The following CAMKMT variants were observed in gnomAD, a reference collection of about 807,000 sequenced individuals.
CAMKMT encodes calmodulin-lysine N-methyltransferase, also known as CaM KMT.
A neutral mutation model predicts 48.0 loss-of-function variants in CAMKMT; 53 were observed. The ratio of observed to expected loss-of-function variants is 1.10; its 90% confidence interval spans 0.89 to 1.39. CAMKMT has a LOEUF of 1.39. Ranked by LOEUF, CAMKMT falls within the 40% of genes most tolerant of loss-of-function variation. The probability of loss-of-function intolerance (pLI) is 0.00; values close to 1 mark genes in which losing one functional copy is unlikely to be tolerated. For synonymous variants in CAMKMT, 165 were observed against 152.3 expected (o/e 1.08, Z -0.61); for missense variants, 428 against 402.7 (o/e 1.06, Z -0.54).
chr2:44,362,036 C>T lies in CAMKMT; in HGVS notation c.29C>T (p.Thr10Ile), dbSNP rs750780281. The T allele has an allele frequency of 1.4e-4, 203 of 1,423,112 alleles. No individual in the cohort carries two copies. Among genetic ancestry groups the T allele is most frequent in the African/African-American group, 2.3e-4 (15 of 65,954 alleles). The allele number at this position is 1,423,112 out of a possible 1,614,324, so 88.2% of individuals were successfully genotyped here. A position where few individuals can be genotyped will look rare whatever the true frequency, so the allele number is the denominator to read the frequency against. ...GAGTCGCGAGTCGCGGACGCTGGGA[C>T]CGGCGAGACCGCGCGAGCAGCGGGC... The part of the protein sequence containing the change: MESRVADAG[T>I]GETARAAGGS... Residue 10 changes from threonine to isoleucine, a missense_variant, in exon 1 of 11, where the codon ACC (threonine) becomes ATC (isoleucine). Thr to Ile is a moderately conservative substitution (Grantham distance 89). Coordinates refer to ENST00000378494, the MANE Select transcript of CAMKMT (RefSeq NM_024766.5).
chr2:44,651,487 C>G (rs1348419937), intron 3 of CAMKMT, among the ~76,000 whole-genome samples: 1 of 152,166 alleles, frequency 6.6e-6, no homozygotes, highest in East Asian at 1.9e-4. Context: ...AGTTTAAGAC[C>G]AGCCTGGCCA....
At chr2:44,468,487 T>C (rs1668244231) in intron 3 of CAMKMT, among the ~76,000 whole-genome samples, 1 of 152,232 alleles carries the variant, frequency 6.6e-6, no homozygotes, top group Admixed American at 6.5e-5. Context: ...GATTCACCAG[T>C]ATCACTGCTG....
At chr2:44,678,374 A>C (rs146515823) in intron 3 of CAMKMT, among the ~76,000 whole-genome samples, 1 of 152,302 alleles carries the variant, frequency 6.6e-6, no homozygotes, top group Non-Finnish European at 1.5e-5. Flanking sequence ...CTGTGTATTC[A>C]CTGAGATTGC....
At chr2:44,373,997 G>A (rs1000918921) in intron 2 of CAMKMT, among the ~76,000 whole-genome samples, 1 of 151,646 alleles carries the variant, frequency 6.6e-6, no homozygotes, top group African/African-American at 2.4e-5. Flanking sequence ...GGTGGCATGT[G>A]CCTATGGTCT....
At chr2:44,674,438 G>A (rs1489774679) in intron 3 of CAMKMT, among the ~76,000 whole-genome samples, 4 of 152,144 alleles carry the variant, frequency 2.6e-5, no homozygotes, top group Admixed American at 2.0e-4. Flanking sequence ...CATAGCTGGG[G>A]TTCGAAAAAT....
At chr2:44,680,654 C>T (rs1275737115) in intron 3 of CAMKMT, among the ~76,000 whole-genome samples, 3 of 152,090 alleles carry the variant, frequency 2.0e-5, no homozygotes, top group African/African-American at 7.2e-5. Flanking sequence ...CACTTAATTC[C>T]CTAAGAAGCA....
intron 3 of CAMKMT, among the ~76,000 whole-genome samples, chr2:44,703,675 G>A (rs1192145258): frequency 1.3e-5 from 2 of 151,372 alleles, no homozygotes; most frequent in Non-Finnish European, 2.9e-5. Context: ...CTACTCAGGA[G>A]GCTGAGGCAG....
At chr2:44,638,229 C>T (rs975321686) in intron 3 of CAMKMT, among the ~76,000 whole-genome samples, 1 of 152,204 alleles carries the variant, frequency 6.6e-6, no homozygotes, top group Admixed American at 6.5e-5. Flanking sequence ...AACTATTTCT[C>T]TTGTTTCTTT....
chr2:44,713,085 T>C (rs992541533), intron 6 of CAMKMT, among the ~76,000 whole-genome samples: 2 of 152,156 alleles, frequency 1.3e-5, no homozygotes, highest in Non-Finnish European at 2.9e-5. Context: ...TTTAAAAAAT[T>C]GCTTCTAGAA....
Position 44,402,247 on chromosome 2 carries a change from T to C in CAMKMT, c.376+11942T>C, listed in dbSNP as rs371686668. Among the ~76,000 whole-genome samples the C allele has an allele frequency of 2.7e-3, 400 of 146,682 alleles. 1 individual carries two copies. The highest frequency in any genetic ancestry group is 4.5e-3 in the Non-Finnish European group (301 of 66,876). ...GGGAGGCTGAGGCAGAAGAATTGCT[T>C]GAACCCGGGAGGCAGAGCTTGCAGT... is the stretch of plus-strand genomic sequence containing the variant. On this transcript the variant is annotated intron_variant, in intron 3 of 10. Coordinates refer to ENST00000378494, the MANE Select transcript of CAMKMT (RefSeq NM_024766.5).
At chr2:44,384,249 T>G (rs901581840) in intron 2 of CAMKMT, among the ~76,000 whole-genome samples, 1 of 152,230 alleles carries the variant, frequency 6.6e-6, no homozygotes, top group Non-Finnish European at 1.5e-5. Flanking sequence ...TTTTTTCATA[T>G]ATTTGTTGGC....
At chr2:44,596,819 T>C (rs1459792656) in intron 3 of CAMKMT, among the ~76,000 whole-genome samples, 2 of 152,214 alleles carry the variant, frequency 1.3e-5, no homozygotes, top group Non-Finnish European at 2.9e-5. Context: ...ATAAAAATTC[T>C]AAGGTTTACT....
chr2:44,618,869 A>T lies in CAMKMT; in HGVS notation c.377-85414A>T, dbSNP rs183692168. Among the ~76,000 whole-genome samples the T allele has an allele frequency of 6.6e-6, 1 of 152,200 alleles. No homozygotes were observed. The highest frequency in any genetic ancestry group is 2.4e-5 in the African/African-American group (1 of 41,446). On this transcript the variant is annotated intron_variant, in intron 3 of 10. Transcript: ENST00000378494. This position sits in a 1 kb window ranked among gnomAD's most constrained non-coding sequence, Gnocchi z 4.0. ...TTTTATTCTATTTCATGTATAATTG[A>T]TGACAATGTTTCATGTAATTATTGA...
chr2:44,768,693 C>G (rs911946516), intron 10 of CAMKMT, among the ~76,000 whole-genome samples: 4 of 152,160 alleles, frequency 2.6e-5, no homozygotes, highest in African/African-American at 9.7e-5. Context: ...GGGACGCGGC[C>G]GCCGGGAGCC....
intron 3 of CAMKMT, among the ~76,000 whole-genome samples, chr2:44,428,121 C>T (rs1479495280): frequency 1.3e-5 from 2 of 152,156 alleles, no homozygotes; most frequent in Non-Finnish European, 2.9e-5. Context: ...CAGCTTTTTA[C>T]ACCCTGCCCT....
At chr2:44,481,770 A>G (rs1024813943) in intron 3 of CAMKMT, among the ~76,000 whole-genome samples, 3 of 152,078 alleles carry the variant, frequency 2.0e-5, no homozygotes, top group Non-Finnish European at 4.4e-5. Context: ...ATACTATCAA[A>G]GCTTGGAGTT....
chr2:44,469,578 T>A (rs1024793601), intron 3 of CAMKMT, among the ~76,000 whole-genome samples: 1 of 152,142 alleles, frequency 6.6e-6, no homozygotes, highest in Non-Finnish European at 1.5e-5. Flanking sequence ...TCTTTATATG[T>A]TACTTTATCT....
intron 7 of CAMKMT, among the ~76,000 whole-genome samples, chr2:44,728,251 G>T (rs542453725): frequency 1.1e-4 from 17 of 152,224 alleles, no homozygotes; most frequent in African/African-American, 4.1e-4. Flanking sequence ...CGCCAGCCTT[G>T]CATCCCAGGA....
chr2:44,375,512 G>T (rs913589680), intron 2 of CAMKMT, among the ~76,000 whole-genome samples: 2 of 152,114 alleles, frequency 1.3e-5, no homozygotes, highest in Non-Finnish European at 2.9e-5. Context: ...CTGTGCATAA[G>T]TACTTTCAAA....
Sources: allele counts gnomAD v4.1 joint callset (sites outside exome capture counted in the v4.1 genomes callset), GRCh38; gene constraint gnomAD v4.1.1; non-coding constraint Gnocchi (gnomAD v3.1); transcripts MANE v1.5; gene names NCBI Gene and HGNC (gene_info 2026-07-23, HGNC 2026-07-21).